The following STPG2 variants were observed in gnomAD, a reference collection of about 807,000 sequenced individuals.
STPG2 encodes the protein sperm-tail PG-rich repeat-containing protein 2.
STPG2 carries 56 observed loss-of-function variants against 54.2 expected under a neutral mutation model. That is an observed-to-expected ratio of 1.03 (90% CI 0.83 to 1.29). The LOEUF (loss-of-function observed/expected upper bound fraction) is 1.29. Ranked by LOEUF, STPG2 falls within the 50% of genes most tolerant of loss-of-function variation. The pLI, the probability that STPG2 is intolerant of heterozygous loss-of-function variation, is 0.00. For missense variants in STPG2, 596 were observed against 544.9 expected (o/e 1.09, Z -0.93); for synonymous variants, 200 against 181.8 (o/e 1.10, Z -0.81).
At chr4:97,633,275 T>C (rs1039687313) in intron 10 of STPG2, among the ~76,000 whole-genome samples, 9 of 152,168 alleles carry the variant, frequency 5.9e-5, no homozygotes, top group African/African-American at 1.9e-4. Flanking sequence ...CAGTTTTTAT[T>C]GACTTAATTA....
At chr4:97,614,140 T>A (rs1371538138) in intron 10 of STPG2, among the ~76,000 whole-genome samples, 1 of 152,092 alleles carries the variant, frequency 6.6e-6, no homozygotes, top group Non-Finnish European at 1.5e-5. Flanking sequence ...AAAATTCATT[T>A]ATTAATATGA....
At chr4:97,709,445 G>A (rs1724044809) in intron 10 of STPG2, among the ~76,000 whole-genome samples, 1 of 151,320 alleles carries the variant, frequency 6.6e-6, no homozygotes, top group Non-Finnish European at 1.5e-5. Context: ...ATCTCTAATT[G>A]AGATTTTTCA....
intron 10 of STPG2, among the ~76,000 whole-genome samples, chr4:97,693,777 T>C (rs1173204197): frequency 4.6e-5 from 7 of 151,922 alleles, no homozygotes; most frequent in Non-Finnish European, 8.8e-5. Context: ...CAAAACAAGT[T>C]CCAAAAAAAT....
chr4:97,491,153 T>G (rs1730496082), intron 4 of STPG2, among the ~76,000 whole-genome samples: 1 of 151,400 alleles, frequency 6.6e-6, no homozygotes, highest in Non-Finnish European at 1.5e-5. Context: ...CATTTAAAGT[T>G]ACTCCAAATC....
At position 97,582,834 on chromosome 4, in the gene STPG2, G is replaced by A. The variant is rs372865992; in HGVS notation, c.1321-23717C>T. Reference sequence around the variant, plus strand: ...CTCTATATTATTTACACTGCAGAGTGGAGATAAATGAGGTCAGTGCTATGT... The same window carrying A: ...CTCTATATTATTTACACTGCAGAGTAGAGATAAATGAGGTCAGTGCTATGT... On this transcript the variant is annotated intron_variant, in intron 10 of 10. Coordinates refer to ENST00000295268, the MANE Select transcript of STPG2 (RefSeq NM_174952.3). 4.6e-5 allele frequency among the ~76,000 whole-genome samples: 7 copies of A among 151,952 alleles called. No homozygotes were observed. In the East Asian group the frequency reaches 1.3e-3, roughly 29 times the overall value.
At chr4:97,597,554 C>A (rs1031392950) in intron 10 of STPG2, among the ~76,000 whole-genome samples, 3 of 151,964 alleles carry the variant, frequency 2.0e-5, no homozygotes, top group African/African-American at 7.2e-5. Context: ...TAGACTTTTT[C>A]CCTGGGATGC....
chr4:98,080,324 G>A (rs922094489), intron 5 of STPG2, among the ~76,000 whole-genome samples: 2 of 151,946 alleles, frequency 1.3e-5, no homozygotes, highest in Admixed American at 1.3e-4. Flanking sequence ...AACTCCTGAG[G>A]CTCAAGCAAT....
chr4:97,442,528 G>A (rs977775894), intron 4 of STPG2, among the ~76,000 whole-genome samples: 3 of 151,968 alleles, frequency 2.0e-5, no homozygotes, highest in Admixed American at 2.0e-4. Flanking sequence ...GCTTTTTGAG[G>A]GTCTTCAGTG....
intron 8 of STPG2, among the ~76,000 whole-genome samples, chr4:97,885,162 G>A (rs1730517223): frequency 6.6e-6 from 1 of 152,080 alleles, no homozygotes; most frequent in Admixed American, 6.6e-5. Context: ...TGTACATTTA[G>A]AAGACTCCAG....
Position 98,143,258 on chromosome 4 carries a change from C to A in STPG2, c.-108G>T. 2 of 790,036 alleles carry A rather than the reference C, an allele frequency of 2.5e-6. No individual in the cohort carries two copies. Among genetic ancestry groups the A allele is most frequent in the South Asian group, 1.8e-5 (1 of 55,496 alleles). The allele number at this position is 790,036 out of a possible 1,614,324, so 48.9% of individuals were successfully genotyped here. On this transcript the variant is annotated 5_prime_UTR_variant, in exon 1 of 11. Transcript: ENST00000295268. ...GGAAGCCGACACCAGTCTGAGGAGGCCGGGAAAGAACTTCCGTAAACAGGG... is the reference window on the plus strand; with the variant it reads ...GGAAGCCGACACCAGTCTGAGGAGGACGGGAAAGAACTTCCGTAAACAGGG...
At chr4:97,795,981 G>A (rs1727161335) in intron 9 of STPG2, among the ~76,000 whole-genome samples, 1 of 152,134 alleles carries the variant, frequency 6.6e-6, no homozygotes, top group South Asian at 2.1e-4. Context: ...TGTGTCTGTT[G>A]GCTGCATAAA....
chr4:97,748,528 A>C (rs1578531410), intron 9 of STPG2, among the ~76,000 whole-genome samples: 1 of 151,538 alleles, frequency 6.6e-6, no homozygotes, highest in African/African-American at 2.4e-5. Flanking sequence ...AAAAAGAGAA[A>C]GGGAACATAT....
chr4:97,882,095 G>A (rs1216165928), intron 8 of STPG2, among the ~76,000 whole-genome samples: 1 of 152,170 alleles, frequency 6.6e-6, no homozygotes, highest in East Asian at 1.9e-4. Flanking sequence ...GGAGGATGAT[G>A]AGAAACACCA....
In STPG2 at chr4:97,741,018, T is replaced by C. The variant is rs538135486; in HGVS notation, c.1205-28204A>G. Among the ~76,000 whole-genome samples, 303 of 152,090 alleles carry C rather than the reference T, an allele frequency of 2.0e-3. 2 individuals carry two copies. Among genetic ancestry groups the C allele is most frequent in the African/African-American group, 6.6e-3 (272 of 41,498 alleles). ...ATGGTACTGGTACCAAACAGAGATATAGATCAATGGAACAGAACAGAGCCC... is the reference window on the plus strand; with the variant it reads ...ATGGTACTGGTACCAAACAGAGATACAGATCAATGGAACAGAACAGAGCCC... On this transcript the variant is annotated intron_variant, in intron 9 of 10. Coordinates refer to ENST00000295268, the MANE Select transcript of STPG2 (RefSeq NM_174952.3).
chr4:97,791,622 T>C (rs574922957), intron 9 of STPG2, among the ~76,000 whole-genome samples: 1 of 152,266 alleles, frequency 6.6e-6, no homozygotes, highest in South Asian at 2.1e-4. Flanking sequence ...TTTCTCATTG[T>C]ATTCAATTTT....
chr4:97,978,653 C>A (rs1394005200), intron 6 of STPG2, among the ~76,000 whole-genome samples: 2 of 151,934 alleles, frequency 1.3e-5, no homozygotes, highest in South Asian at 2.1e-4. Context: ...TGCCCCTGAA[C>A]TTAAAATAAA....
At chr4:97,634,539 T>A (rs1319313116) in intron 10 of STPG2, among the ~76,000 whole-genome samples, 1 of 151,844 alleles carries the variant, frequency 6.6e-6, no homozygotes, top group African/African-American at 2.4e-5. Context: ...ATCAAATTAC[T>A]CTGAGCTACG....
At chr4:97,787,837 C>T (rs184204221) in intron 9 of STPG2, among the ~76,000 whole-genome samples, 22 of 151,588 alleles carry the variant, frequency 1.5e-4, no homozygotes, top group Middle Eastern at 6.8e-3. Context: ...TGTATCTTGA[C>T]GAATTTAGCT....
chr4:97,890,760 C>T (rs1198420999), intron 8 of STPG2, among the ~76,000 whole-genome samples: 2 of 151,772 alleles, frequency 1.3e-5, no homozygotes, highest in Non-Finnish European at 2.9e-5. Context: ...TATCATTATA[C>T]ACTATATAAA....
Sources: allele counts gnomAD v4.1 joint callset (sites outside exome capture counted in the v4.1 genomes callset), GRCh38; gene constraint gnomAD v4.1.1; transcripts MANE v1.5; gene names NCBI Gene and HGNC (gene_info 2026-07-23, HGNC 2026-07-21).